PTPRK: variants seen among roughly 807,000 people sequenced by gnomAD.
The protein encoded by PTPRK is receptor-type tyrosine-protein phosphatase kappa.
PTPRK carries 75 observed loss-of-function variants against 178.0 expected under a neutral mutation model. The ratio of observed to expected loss-of-function variants is 0.42; its 90% CI spans 0.35 to 0.51. PTPRK has a LOEUF of 0.51. Among genes scored for constraint, PTPRK ranks in the 20% least tolerant of loss-of-function variants. The pLI is 0.02. For missense variants in PTPRK, 1,441 were observed against 1,797.8 expected, an observed-to-expected ratio of 0.80 and a Z score of 3.59; for synonymous variants, 637 against 620.6, an observed-to-expected ratio of 1.03 and a Z score of -0.39.
chr6:128,302,155 G>A (rs139385303), intron 3 of PTPRK, among the ~76,000 whole-genome samples: 2,481 of 152,034 alleles, frequency 0.016, 32 homozygotes, highest in Middle Eastern at 0.034. Context: ...TTGGGAGGCC[G>A]GGGTGGGCGG....
At chr6:128,315,150 T>C (rs1235681390) in intron 3 of PTPRK, among the ~76,000 whole-genome samples, 1 of 152,156 alleles carries the variant, frequency 6.6e-6, no homozygotes, top group Non-Finnish European at 1.5e-5. Flanking sequence ...TGTCTTTTAA[T>C]AAATATAAGC....
chr6:128,091,439 G>A (rs1315219489), intron 7 of PTPRK, among the ~76,000 whole-genome samples: 1 of 152,120 alleles, frequency 6.6e-6, no homozygotes, highest in Non-Finnish European at 1.5e-5. Flanking sequence ...TCTTTGCTAT[G>A]ACTGCCCACC....
chr6:128,405,259 A>C (rs1481163269), intron 1 of PTPRK, among the ~76,000 whole-genome samples: 1 of 151,974 alleles, frequency 6.6e-6, no homozygotes, highest in African/African-American at 2.4e-5. Context: ...TTCCCTTTTC[A>C]CCTCACCTCC....
intron 1 of PTPRK, among the ~76,000 whole-genome samples, chr6:128,406,099 A>G (rs1177217521): frequency 6.6e-6 from 1 of 151,936 alleles, no homozygotes; most frequent in Non-Finnish European, 1.5e-5. Context: ...TCTACAAAAA[A>G]TAAATAAAAA....
intron 1 of PTPRK, among the ~76,000 whole-genome samples, chr6:128,399,377 T>C (rs557595077): frequency 6.6e-6 from 1 of 152,308 alleles, no homozygotes; most frequent in South Asian, 2.1e-4. Flanking sequence ...GTTGAGTGTA[T>C]TCTTGAATCA....
chr6:128,392,088 T>G (rs1839668942), intron 2 of PTPRK, among the ~76,000 whole-genome samples: 1 of 152,136 alleles, frequency 6.6e-6, no homozygotes, highest in African/African-American at 2.4e-5. Context: ...TATAATCCCC[T>G]ACATTCTCAC....
In PTPRK at chr6:128,305,363, C is replaced by T. The variant is rs113912760; in HGVS notation, c.495+16676G>A. ...AGGATTTAAAGTTTCCTTTTTTCCA[C>T]AAAGAGTCCATAAACATATCAGGCT... On this transcript the variant is annotated intron_variant, in intron 3 of 29. Coordinates refer to ENST00000368226, the MANE Select transcript of PTPRK (RefSeq NM_002844.4). Among the ~76,000 whole-genome samples the T allele has an allele frequency of 6.3e-3, 961 of 152,188 alleles. 13 individuals are homozygous for T. Among genetic ancestry groups the T allele is most frequent in the African/African-American group, 0.022 (919 of 41,540 alleles).
chr6:128,459,457 GA>G (rs1481711821), intron 1 of PTPRK, among the ~76,000 whole-genome samples: 2 of 152,138 alleles, frequency 1.3e-5, no homozygotes, highest in African/African-American at 2.4e-5. Flanking sequence ...TATGAATTCT[GA>G]AGTGATGGCT....
chr6:128,109,279 C>A (rs771922685), intron 7 of PTPRK, among the ~76,000 whole-genome samples: 2 of 151,998 alleles, frequency 1.3e-5, no homozygotes, highest in African/African-American at 2.4e-5. Context: ...TTCAATGTAA[C>A]CCACATACAT....
At chr6:128,313,352 A>T (rs1273435511) in intron 3 of PTPRK, among the ~76,000 whole-genome samples, 1 of 152,136 alleles carries the variant, frequency 6.6e-6, no homozygotes. Flanking sequence ...TGACCTTTTT[A>T]AAAGAGGGCC....
intron 13 of PTPRK, among the ~76,000 whole-genome samples, chr6:128,019,800 G>T (rs1300084436): frequency 6.6e-6 from 1 of 152,174 alleles, no homozygotes; most frequent in Non-Finnish European, 1.5e-5. Context: ...TCCATACTGA[G>T]AATTAAAATA....
chr6:128,148,579 G>A (rs1796813073), intron 7 of PTPRK, among the ~76,000 whole-genome samples: 1 of 152,088 alleles, frequency 6.6e-6, no homozygotes, highest in South Asian at 2.1e-4. Flanking sequence ...GACAGTTAAT[G>A]CTGATCATTA....
chr6:128,229,922 T>C (rs117456661), intron 5 of PTPRK, among the ~76,000 whole-genome samples: 3 of 152,182 alleles, frequency 2.0e-5, no homozygotes, highest in Non-Finnish European at 2.9e-5. Context: ...AATAGTAGAT[T>C]AGGGGGAGTA....
chr6:128,125,778 T>C (rs1328921279), intron 7 of PTPRK, among the ~76,000 whole-genome samples: 1 of 151,716 alleles, frequency 6.6e-6, no homozygotes, highest in African/African-American at 2.4e-5. Flanking sequence ...CCTGGCTAAT[T>C]TTTGTATTTT....
intron 1 of PTPRK, among the ~76,000 whole-genome samples, chr6:128,476,507 A>T (rs1851392424): frequency 6.6e-6 from 1 of 152,068 alleles, no homozygotes; most frequent in Non-Finnish European, 1.5e-5. Context: ...CAATCCAAAA[A>T]TATGTAAGCA....
chr6:128,069,072 T>C (rs1267108936), intron 11 of PTPRK, among the ~76,000 whole-genome samples: 2 of 152,116 alleles, frequency 1.3e-5, no homozygotes, highest in African/African-American at 2.4e-5. Context: ...TAAACTCTTA[T>C]GCCTACAAAT....
chr6:128,461,613 A>G (rs1324046815), intron 1 of PTPRK, among the ~76,000 whole-genome samples: 5 of 152,202 alleles, frequency 3.3e-5, no homozygotes, highest in African/African-American at 1.2e-4. Context: ...TTAAGATATA[A>G]TTCACATACC....
intron 1 of PTPRK, among the ~76,000 whole-genome samples, chr6:128,460,132 T>C (rs1271247422): frequency 2.6e-5 from 4 of 152,204 alleles, no homozygotes; most frequent in African/African-American, 7.2e-5. Context: ...GGATTACATT[T>C]GAACATGAGA....
At chr6:128,392,922 G>A (rs1026148640) in intron 2 of PTPRK, among the ~76,000 whole-genome samples, 2 of 151,626 alleles carry the variant, frequency 1.3e-5, no homozygotes, top group Admixed American at 6.6e-5. Context: ...TGGTAAATGG[G>A]GTATTTTTGA....
Sources: allele counts gnomAD v4.1 joint callset (sites outside exome capture counted in the v4.1 genomes callset), GRCh38; gene constraint gnomAD v4.1.1; transcripts MANE v1.5; gene names NCBI Gene and HGNC (gene_info 2026-07-23, HGNC 2026-07-21).